The following CNTN5 variants were observed in gnomAD, a reference collection of about 807,000 sequenced individuals.
The protein encoded by CNTN5 is contactin-5.
A neutral mutation model predicts 129.1 loss-of-function variants in CNTN5; 77 were observed. The ratio of observed to expected loss-of-function variants is 0.60; its 90% CI spans 0.50 to 0.72. The LOEUF (loss-of-function observed/expected upper bound fraction) is 0.72, where lower values mean the gene tolerates loss of function less well. Ranked by LOEUF, CNTN5 falls within the 30% of genes least tolerant of loss-of-function variation. The pLI, the probability that CNTN5 is intolerant of heterozygous loss-of-function variation, is 0.00. For missense variants in CNTN5, 1,478 were observed against 1,328.8 expected (o/e 1.11, Z -1.75); for synonymous variants, 509 against 465.6 (o/e 1.09, Z -1.20).
chr11:99,763,266 A>G (rs1182192724), intron 3 of CNTN5, among the ~76,000 whole-genome samples: 1 of 152,140 alleles, frequency 6.6e-6, no homozygotes, highest in Non-Finnish European at 1.5e-5. Flanking sequence ...ATCAAAGAAA[A>G]CACACTGTAG....
intron 15 of CNTN5, among the ~76,000 whole-genome samples, chr11:100,208,101 C>G (rs1948952488): frequency 6.6e-6 from 1 of 152,024 alleles, no homozygotes. Context: ...CAATGAATAC[C>G]TTTTGCTCAT....
chr11:100,124,740 A>G (rs1182053081), intron 13 of CNTN5, among the ~76,000 whole-genome samples: 1 of 152,056 alleles, frequency 6.6e-6, no homozygotes, highest in African/African-American at 2.4e-5. Context: ...GGAACAAAAG[A>G]GAGTGGGGTC....
intron 13 of CNTN5, among the ~76,000 whole-genome samples, chr11:100,177,668 T>G (rs1333437401): frequency 6.6e-6 from 1 of 152,192 alleles, no homozygotes; most frequent in African/African-American, 2.4e-5. Flanking sequence ...ATTAAAATTG[T>G]ATGTATAATT....
intron 10 of CNTN5, 78 bp from the exon 11 acceptor site, chr11:100,070,345 AT>A: frequency 7.0e-7 from 1 of 1,430,086 alleles, no homozygotes. Flanking sequence ...AATACGTTGA[AT>A]TTTTCCATGT....
chr11:100,246,379 G>A (rs1591433329), intron 16 of CNTN5, among the ~76,000 whole-genome samples: 1 of 148,360 alleles, frequency 6.7e-6, no homozygotes, highest in Middle Eastern at 3.4e-3. Context: ...AAATTATTCT[G>A]ACTCTTTGTC....
chr11:100,023,981 G>A (rs1941288673), intron 9 of CNTN5, among the ~76,000 whole-genome samples: 1 of 152,064 alleles, frequency 6.6e-6, no homozygotes. Flanking sequence ...CCATGTGCAT[G>A]GTTTTGTGTC....
At chr11:100,232,337 G>A (rs1307440135) in intron 16 of CNTN5, among the ~76,000 whole-genome samples, 3 of 152,120 alleles carry the variant, frequency 2.0e-5, no homozygotes, top group East Asian at 3.9e-4. Flanking sequence ...GGGACAAAGA[G>A]ACAAGAGAAA....
At chr11:99,518,712 TGTA>T (rs1947155222) in intron 2 of CNTN5, among the ~76,000 whole-genome samples, 2 of 152,102 alleles carry the variant, frequency 1.3e-5, no homozygotes, top group Admixed American at 1.3e-4. Flanking sequence ...CCATTTTCTT[TGTA>T]GTCCAGAGAA....
At chr11:99,756,709 T>C (rs1016271994) in intron 3 of CNTN5, among the ~76,000 whole-genome samples, 6 of 152,056 alleles carry the variant, frequency 3.9e-5, no homozygotes, top group Non-Finnish European at 8.8e-5. Flanking sequence ...TTGCAGATCT[T>C]ATAGATGTAC....
At chr11:100,070,820 CATT>C (rs1393294141) in intron 11 of CNTN5, among the ~76,000 whole-genome samples, 1 of 152,074 alleles carries the variant, frequency 6.6e-6, no homozygotes, top group African/African-American at 2.4e-5. Context: ...TTAATTACCT[CATT>C]ACATTTTTTG....
intron 3 of CNTN5, among the ~76,000 whole-genome samples, chr11:99,653,422 T>C (rs1952232331): frequency 6.6e-6 from 1 of 152,132 alleles, no homozygotes; most frequent in Admixed American, 6.6e-5. Context: ...TAATAAAAAT[T>C]TTACATGTTC....
chr11:100,285,664 T>C (rs1249130521), intron 18 of CNTN5, among the ~76,000 whole-genome samples: 1 of 152,232 alleles, frequency 6.6e-6, no homozygotes, highest in Non-Finnish European at 1.5e-5. Flanking sequence ...ATTTTTTTCC[T>C]ACACTGTATT....
chr11:100,076,353 C>G (rs1419849706), intron 13 of CNTN5, among the ~76,000 whole-genome samples: 1 of 151,976 alleles, frequency 6.6e-6, no homozygotes, highest in East Asian at 1.9e-4. Flanking sequence ...TGTTCTTCAT[C>G]AACTGTTGAA....
chr11:99,735,184 C>A (rs1426157727), intron 3 of CNTN5, among the ~76,000 whole-genome samples: 1 of 150,764 alleles, frequency 6.6e-6, no homozygotes, highest in Non-Finnish European at 1.5e-5. Flanking sequence ...GAAGAGATTA[C>A]GTTCTAAGGT....
intron 3 of CNTN5, among the ~76,000 whole-genome samples, chr11:99,712,053 C>G (rs1226127607): frequency 2.6e-5 from 4 of 152,162 alleles, no homozygotes; most frequent in Middle Eastern, 3.4e-3. Flanking sequence ...TAAGGAATCA[C>G]CACACTGTCT....
chr11:100,258,236 G>C (rs1174128858), intron 17 of CNTN5, among the ~76,000 whole-genome samples: 1 of 152,006 alleles, frequency 6.6e-6, no homozygotes, highest in Non-Finnish European at 1.5e-5. Flanking sequence ...CAAGATTAGA[G>C]AAAAAAGAAT....
intron 13 of CNTN5, among the ~76,000 whole-genome samples, chr11:100,173,958 G>C (rs904934253): frequency 3.3e-5 from 5 of 152,066 alleles, no homozygotes; most frequent in East Asian, 3.9e-4. Context: ...ACAGCTGCAG[G>C]GTCCTGGGTC....
At chr11:99,026,287 C>A (rs780633139) in intron 1 of CNTN5, among the ~76,000 whole-genome samples, 58 of 151,362 alleles carry the variant, frequency 3.8e-4, no homozygotes, top group Non-Finnish European at 5.8e-4. Context: ...TATTTTAAAA[C>A]CTTCTTCTTC....
At chr11:99,726,328 T>C (rs75783474) in intron 3 of CNTN5, among the ~76,000 whole-genome samples, 251 of 152,338 alleles carry the variant, frequency 1.6e-3, no homozygotes, top group African/African-American at 5.8e-3. Flanking sequence ...AAGTATTTTA[T>C]AAAAGCTTTT....
Sources: allele counts gnomAD v4.1 joint callset (sites outside exome capture counted in the v4.1 genomes callset), GRCh38; gene constraint gnomAD v4.1.1; transcripts MANE v1.5; gene names NCBI Gene and HGNC (gene_info 2026-07-23, HGNC 2026-07-21).